Variants in G6PD observed in about 807,000 individuals in gnomAD.
G6PD encodes glucose-6-phosphate 1-dehydrogenase.
A neutral mutation model predicts 38.2 loss-of-function variants in G6PD; 2 were observed. That is an observed-to-expected ratio of 0.05 (90% CI 0.02 to 0.16). G6PD has a LOEUF of 0.16. Among genes scored for constraint, G6PD ranks in the 10% least tolerant of loss-of-function variants. G6PD has a pLI of 1.00. For synonymous variants in G6PD, 188 were observed against 196.0 expected, an observed-to-expected ratio of 0.96 and a Z score of 0.34; for missense variants, 310 against 471.6, an observed-to-expected ratio of 0.66 and a Z score of 3.17.
At position 154,534,141 on chromosome X, in the gene G6PD, C is replaced by G; in HGVS notation, c.664G>C (p.Gly222Arg). The change falls in exon 7 of 13, where the codon GGC (glycine) becomes CGC (arginine). Residue 222 changes from glycine (G) to arginine (R), a missense_variant. Transcript: ENST00000393562. ...MVLRFANRIF[G>R]PIWNRDNIAC... ...ATGTTGTCCCGGTTCCAGATGGGGCCGAAGATCCTGTTGGCAAATCTGCAG... is the reference window on the plus strand; with the variant it reads ...ATGTTGTCCCGGTTCCAGATGGGGCGGAAGATCCTGTTGGCAAATCTGCAG... 8.3e-7 allele frequency: 1 copy of G among 1,211,828 alleles called. No homozygotes were observed. Among genetic ancestry groups the G allele is most frequent in the Non-Finnish European group, 1.1e-6 (1 of 895,481 alleles).
At chrX:154,533,407 C>T (rs1344440075) in intron 8 of G6PD, 169 bp downstream of exon 8, 1 of 585,315 alleles carries the variant, frequency 1.7e-6, no homozygotes, top group Non-Finnish European at 2.7e-6. Flanking sequence ...ACAACTTGGG[C>T]TTCATGACTG....
chrX:154,537,110 C>T (rs1342603414), intron 2 of G6PD, among the ~76,000 whole-genome samples: 1 of 110,178 alleles, frequency 9.1e-6, no homozygotes, highest in Non-Finnish European at 1.9e-5. Flanking sequence ...TCGAGACCAT[C>T]CTGGCTGACA....
chrX:154,542,692 G>A (rs958639915), intron 2 of G6PD, among the ~76,000 whole-genome samples: 1 of 112,086 alleles, frequency 8.9e-6, no homozygotes, highest in East Asian at 2.8e-4. Context: ...CCTGCTTTCA[G>A]TTTCTAGGTC....
Position 154,546,775 on chromosome X carries a change from G to T in G6PD, c.-9+14C>A. Reference sequence around the variant, plus strand: ...ACGCTCCTCCGCCTGCGCGGCGCCCGCCCGGCCGGTTACCTGCGCTTCGTC... The same window carrying T: ...ACGCTCCTCCGCCTGCGCGGCGCCCTCCCGGCCGGTTACCTGCGCTTCGTC... On this transcript the variant is annotated intron_variant, in intron 1 of 12. Transcript: ENST00000393562. 1 of 1,150,333 alleles carries T rather than the reference G, an allele frequency of 8.7e-7. No homozygotes were observed. 94.8% of individuals were successfully genotyped at this position (1,150,333 alleles called of 1,213,427 possible).
At chrX:154,544,377 G>C (rs1042423099) in intron 2 of G6PD, among the ~76,000 whole-genome samples, 2 of 110,331 alleles carry the variant, frequency 1.8e-5, no homozygotes, top group African/African-American at 6.6e-5. Flanking sequence ...GGCCAGGATG[G>C]TCTCGATCTC....
intron 4 of G6PD, 81 bp downstream of exon 4, chrX:154,535,856 G>T: frequency 1.2e-6 from 1 of 803,882 alleles, no homozygotes; most frequent in East Asian, 3.3e-5. Context: ...GATGGGATGG[G>T]GGGAGGTCCC....
intron 4 of G6PD, 82 bp downstream of exon 4, chrX:154,535,855 G>A: frequency 6.3e-6 from 5 of 798,780 alleles, no homozygotes; most frequent in Non-Finnish European, 9.4e-6. Context: ...GGATGGGATG[G>A]GGGGAGGTCC....
At chrX:154,540,923 ACCCTTCAAAGTCCAGCAGACAACC>A (rs1457743847) in intron 2 of G6PD, among the ~76,000 whole-genome samples, 2 of 110,953 alleles carry the variant, frequency 1.8e-5, no homozygotes, top group Admixed American at 1.9e-4. Context: ...TCACTGCTGC[ACCCTTCAAAGTCCAGCAGACAACC>A]CCTCGCCCTG....
rs371808526 is a variant in G6PD, at chrX:154,532,600, C to T, written c.1254G>A (p.Ser418=). ...TGTTGCCGTAGGTCAGGTCCAGCTC[C>T]GACTCCTCGGGGTTGAAGAACATGC... The part of the protein sequence containing the change: ...KPGMFFNPEE[S]ELDLTYGNRY... The change falls in exon 10 of 13, where the codon TCG becomes TCA. Residue 418 remains serine, a synonymous_variant. Transcript: ENST00000393562. 4 of 1,212,214 alleles carry T rather than the reference C, an allele frequency of 3.3e-6. No individual in the cohort carries two copies. The highest frequency in any genetic ancestry group is 3.0e-5 in the East Asian group (1 of 33,867).
chrX:154,532,164 C>A, intron 12 of G6PD, 24 bp downstream of exon 12: 1 of 1,192,635 alleles, frequency 8.4e-7, no homozygotes. Context: ...TGGGCTCTGT[C>A]CCCAGCCCCC....
chrX:154,532,886 C>A, intron 9 of G6PD, 56 bp downstream of exon 9: 1 of 1,206,240 alleles, frequency 8.3e-7, no homozygotes, highest in Non-Finnish European at 1.1e-6. Flanking sequence ...AGCTCCAGTG[C>A]CCGCACACAG....
chrX:154,542,711 C>T (rs1192398506), intron 2 of G6PD, among the ~76,000 whole-genome samples: 1 of 112,107 alleles, frequency 8.9e-6, no homozygotes, highest in African/African-American at 3.2e-5. Flanking sequence ...TCATGCTGAG[C>T]TTGTTCCCAA....
intron 2 of G6PD, among the ~76,000 whole-genome samples, chrX:154,544,666 C>T (rs1235326481): frequency 2.7e-5 from 3 of 112,161 alleles, no homozygotes; most frequent in Non-Finnish European, 5.6e-5. Context: ...GTGGGCTCCA[C>T]CTGGTACCTC....
In G6PD at chrX:154,531,658, C is replaced by A. The variant is rs782681737; in HGVS notation, c.*342G>T. The A allele has an allele frequency of 5.1e-5, 13 of 253,703 alleles. No individual in the cohort carries two copies. The East Asian group carries it at 1.1e-3, about 21-fold the overall frequency. 20.9% of individuals were successfully genotyped at this position (253,703 alleles called of 1,213,427 possible). A position where few individuals can be genotyped will look rare whatever the true frequency, so the allele number is the denominator to read the frequency against. On this transcript the variant is annotated 3_prime_UTR_variant, in exon 13 of 13. Transcript: ENST00000393562. Reference sequence around the variant, plus strand: ...TCCTCCCCCTCGTCCCTCCCTCCCACCCTGGCCCCACTCAGGAGTGAGACC... The same window carrying A: ...TCCTCCCCCTCGTCCCTCCCTCCCAACCTGGCCCCACTCAGGAGTGAGACC...
chrX:154,539,545 G>A (rs1557231392), intron 2 of G6PD, among the ~76,000 whole-genome samples: 1 of 110,683 alleles, frequency 9.0e-6, no homozygotes, highest in African/African-American at 3.3e-5. Context: ...CGGAGGGTGG[G>A]GAGTGGGTCA....
intron 4 of G6PD, 166 bp downstream of exon 4, chrX:154,535,771 G>A (rs1411033053): frequency 4.4e-5 from 22 of 503,651 alleles, no homozygotes; most frequent in South Asian, 1.4e-4. Context: ...TCCTGGTCAC[G>A]GGGGCTGGTA....
chrX:154,542,955 C>T lies in G6PD; in HGVS notation c.120+3081G>A, dbSNP rs782806127. On this transcript the variant is annotated intron_variant, in intron 2 of 12. Transcript: ENST00000393562. ...CTGCTGTGGCCCAGAAGTACCCAAT[C>T]GCTGTCTGCTCAATGAACGGAGAAT... 9.8e-5 allele frequency among the ~76,000 whole-genome samples: 11 copies of T among 112,185 alleles called. No individual in the cohort carries two copies. In the East Asian group the frequency reaches 3.1e-3, roughly 31 times the overall value.
upstream of G6PD, chrX:154,547,454 G>C (rs2070776414): frequency 1.6e-5 from 12 of 754,393 alleles, no homozygotes; most frequent in Non-Finnish European, 1.3e-5. Context: ...AGTGGCCGGC[G>C]TGCTTATCAT....
chrX:154,535,605 A>C (rs1447092834), intron 4 of G6PD: 2 of 457,571 alleles, frequency 4.4e-6, no homozygotes, highest in African/African-American at 4.8e-5. Context: ...ACACTGCCCC[A>C]GGCTGGGACC....
Sources: gnomAD v4.1 joint callset for allele counts (sites outside exome capture counted in the v4.1 genomes callset) on GRCh38, gnomAD v4.1.1 for gene constraint, MANE v1.5 for transcripts, NCBI Gene and HGNC (gene_info 2026-07-23, HGNC 2026-07-21) for gene names.